The following UTRN variants were observed in gnomAD, a reference collection of about 807,000 sequenced individuals.
The protein encoded by UTRN is utrophin, also known as dystrophin-related protein 1.
A neutral mutation model predicts 463.9 loss-of-function variants in UTRN; 283 were observed. The observed-to-expected ratio is 0.61, with a 90% confidence interval of 0.55 to 0.67. The LOEUF (loss-of-function observed/expected upper bound fraction) is 0.67, where lower values mean the gene tolerates loss of function less well. Among genes scored for constraint, UTRN ranks in the 30% least tolerant of loss-of-function variants. The probability of loss-of-function intolerance (pLI) is 0.00; values close to 1 mark genes in which losing one functional copy is unlikely to be tolerated. For missense variants in UTRN, 3,922 were observed against 4,084.3 expected (o/e 0.96, Z 1.08); for synonymous variants, 1,442 against 1,431.5 (o/e 1.01, Z -0.17).
chr6:144,713,622 A>AAAAT (rs989082326), intron 53 of UTRN, among the ~76,000 whole-genome samples: 1 of 145,838 alleles, frequency 6.9e-6, no homozygotes, highest in Non-Finnish European at 1.5e-5. Flanking sequence ...CTCAAAAAAA[A>AAAAT]AAATAAATAA....
intron 51 of UTRN, among the ~76,000 whole-genome samples, chr6:144,616,900 T>C (rs1273019371): frequency 1.3e-5 from 2 of 152,200 alleles, no homozygotes; most frequent in Admixed American, 1.3e-4. Context: ...CCACCTGGTG[T>C]AGAAATCTGT....
At chr6:144,341,088 A>G (rs1477337945) in intron 2 of UTRN, among the ~76,000 whole-genome samples, 1 of 152,200 alleles carries the variant, frequency 6.6e-6, no homozygotes, top group Non-Finnish European at 1.5e-5. Context: ...CCCACTATGG[A>G]AAGTTCTATT....
At chr6:144,342,089 A>G (rs1435748462) in intron 2 of UTRN, among the ~76,000 whole-genome samples, 2 of 152,228 alleles carry the variant, frequency 1.3e-5, no homozygotes, top group Non-Finnish European at 2.9e-5. Flanking sequence ...TGGATAAAAG[A>G]TGGGTTTCGA....
rs564873879 is a variant in UTRN at position 144,688,015 on chromosome 6, C to T, written c.7652+9437C>T. On this transcript the variant is annotated intron_variant, in intron 52 of 74. Coordinates refer to ENST00000367545, the MANE Select transcript of UTRN (RefSeq NM_007124.3). ...TTAGATTTGGCCCTTTTACATAATC[C>T]CATATTTCTTGAAAACTTTGTTCAT... is the stretch of plus-strand genomic sequence containing the variant. 2.6e-5 allele frequency among the ~76,000 whole-genome samples: 4 copies of T among 152,138 alleles called. No individual in the cohort carries two copies. The East Asian group carries it at 5.8e-4, about 22-fold the overall frequency.
In UTRN at chr6:144,424,094, A is replaced by G. The variant is rs1417349198; in HGVS notation, c.405+16A>G. 7 of 1,610,602 alleles carry G rather than the reference A, an allele frequency of 4.3e-6. 1 individual carries two copies. The highest frequency in any genetic ancestry group is 1.7e-4 in the Middle Eastern group (1 of 6,054). ...GCACTGGCAGGTGGGGAAATTTCCA[A>G]TCACTTTTTAATAGAGATGGAAAAT... is the stretch of plus-strand genomic sequence containing the variant. On this transcript the variant is annotated intron_variant, in intron 6 of 74. Transcript: ENST00000367545.
chr6:144,588,116 C>T (rs1380388072), intron 51 of UTRN, among the ~76,000 whole-genome samples: 1 of 152,074 alleles, frequency 6.6e-6, no homozygotes, highest in Non-Finnish European at 1.5e-5. Flanking sequence ...ACTTCCTAGT[C>T]AGGTCAAGAT....
At chr6:144,432,576 G>A (rs535008586) in intron 9 of UTRN, among the ~76,000 whole-genome samples, 1 of 152,278 alleles carries the variant, frequency 6.6e-6, no homozygotes, top group Non-Finnish European at 1.5e-5. Context: ...TTGGGTGGGG[G>A]AAAACAGGAA....
chr6:144,450,019 C>T (rs1010306256), intron 17 of UTRN, among the ~76,000 whole-genome samples: 6 of 152,148 alleles, frequency 3.9e-5, no homozygotes, highest in African/African-American at 1.4e-4. Flanking sequence ...AATCAGTGAT[C>T]GTGACTCCTC....
intron 2 of UTRN, among the ~76,000 whole-genome samples, chr6:144,308,355 G>A (rs958071004): frequency 1.3e-5 from 2 of 152,036 alleles, no homozygotes; most frequent in East Asian, 1.9e-4. Context: ...CCATTTTTTC[G>A]GTACTAGCAT....
At chr6:144,750,071 C>A (rs1791210594) in intron 55 of UTRN, among the ~76,000 whole-genome samples, 2 of 152,086 alleles carry the variant, frequency 1.3e-5, no homozygotes, top group African/African-American at 4.8e-5. Flanking sequence ...ACTAAAGAAA[C>A]CTTGAAGGAT....
At chr6:144,846,462 A>G (rs1215133388) in intron 73 of UTRN, among the ~76,000 whole-genome samples, 4 of 152,238 alleles carry the variant, frequency 2.6e-5, no homozygotes, top group Admixed American at 6.5e-5. Flanking sequence ...CAAAGTAAGT[A>G]GAACATGCTC....
intron 3 of UTRN, among the ~76,000 whole-genome samples, chr6:144,405,864 A>G (rs921277038): frequency 2.0e-5 from 3 of 152,260 alleles, no homozygotes; most frequent in African/African-American, 7.2e-5. Context: ...TATTTGTATT[A>G]GAAAAAATGG....
At chr6:144,707,818 C>T (rs946071195) in intron 53 of UTRN, among the ~76,000 whole-genome samples, 2 of 152,100 alleles carry the variant, frequency 1.3e-5, no homozygotes, top group African/African-American at 4.8e-5. Context: ...CTGGACTAGG[C>T]ATTTGTGTAA....
At chr6:144,623,639 G>C (rs1430069391) in intron 51 of UTRN, among the ~76,000 whole-genome samples, 1 of 152,176 alleles carries the variant, frequency 6.6e-6, no homozygotes, top group East Asian at 1.9e-4. Flanking sequence ...GTGTAAAAAT[G>C]TCTTAGAGCT....
intron 2 of UTRN, among the ~76,000 whole-genome samples, chr6:144,355,132 G>C (rs1363063244): frequency 1.3e-5 from 2 of 152,184 alleles, no homozygotes; most frequent in African/African-American, 4.8e-5. Context: ...GTTAAAAAAT[G>C]TGTGGAAAGC....
At chr6:144,682,579 T>A (rs1782312491) in intron 52 of UTRN, among the ~76,000 whole-genome samples, 1 of 152,178 alleles carries the variant, frequency 6.6e-6, no homozygotes, top group Non-Finnish European at 1.5e-5. Context: ...ATAGTGTTTA[T>A]ATTAACTTAC....
rs1307261450 is a variant in UTRN at position 144,804,875 on chromosome 6, AG to A, written c.9357+1731del. On this transcript the variant is annotated intron_variant, in intron 65 of 74. Coordinates refer to ENST00000367545, the MANE Select transcript of UTRN (RefSeq NM_007124.3). ...GTAAATGCCCTAAGAAAGAGTGAGCAGGGACCTGTCTTCAGGTGTTGGCTAG... is the reference window on the plus strand; with the variant it reads ...GTAAATGCCCTAAGAAAGAGTGAGCAGGACCTGTCTTCAGGTGTTGGCTAG... 2.0e-5 allele frequency among the ~76,000 whole-genome samples: 3 copies of A among 152,278 alleles called. No homozygotes were observed. The East Asian group carries it at 5.8e-4, about 29-fold the overall frequency.
intron 69 of UTRN, among the ~76,000 whole-genome samples, chr6:144,829,540 T>C (rs1297278098): frequency 6.6e-6 from 1 of 152,120 alleles, no homozygotes; most frequent in Non-Finnish European, 1.5e-5. Flanking sequence ...TGGAACTTTT[T>C]ATTCTTTTTT....
intron 2 of UTRN, among the ~76,000 whole-genome samples, chr6:144,365,409 C>T (rs1779423457): frequency 6.6e-6 from 1 of 152,182 alleles, no homozygotes; most frequent in Non-Finnish European, 1.5e-5. Flanking sequence ...TGGAGTAGAT[C>T]ATGAGGAGGA....
Sources: gnomAD v4.1 joint callset for allele counts (sites outside exome capture counted in the v4.1 genomes callset) on GRCh38, gnomAD v4.1.1 for gene constraint, MANE v1.5 for transcripts, NCBI Gene and HGNC (gene_info 2026-07-23, HGNC 2026-07-21) for gene names.